SORCS1: variants seen among roughly 807,000 people sequenced by gnomAD.
SORCS1 encodes VPS10 domain-containing receptor SorCS1.
A neutral mutation model predicts 146.1 loss-of-function variants in SORCS1; 60 were observed. That is an observed-to-expected ratio of 0.41 (90% CI 0.33 to 0.51). The LOEUF (loss-of-function observed/expected upper bound fraction) is 0.51. Among genes scored for constraint, SORCS1 ranks in the 20% least tolerant of loss-of-function variants. The pLI is 0.21. For synonymous variants in SORCS1, 637 were observed against 584.0 expected (o/e 1.09, Z -1.31); for missense variants, 1,352 against 1,487.6 (o/e 0.91, Z 1.50).
At chr10:106,825,901 C>T (rs569063202) in intron 3 of SORCS1, among the ~76,000 whole-genome samples, 18 of 152,312 alleles carry the variant, frequency 1.2e-4, no homozygotes, top group African/African-American at 4.3e-4. Context: ...ATACCTAGGA[C>T]CCCTCTTTCT....
chr10:106,669,109 G>A (rs997585400), intron 16 of SORCS1, among the ~76,000 whole-genome samples: 5 of 152,050 alleles, frequency 3.3e-5, no homozygotes, highest in Non-Finnish European at 5.9e-5. Context: ...ATGAGTAGCC[G>A]ATTCCAATCA....
intron 3 of SORCS1, 129 bp from the exon 4 acceptor site, chr10:106,776,821 G>A: frequency 1.2e-6 from 1 of 861,756 alleles, no homozygotes; most frequent in Non-Finnish European, 1.8e-6. Flanking sequence ...GCCAAACAGG[G>A]ACCTTGACTC....
intron 1 of SORCS1, among the ~76,000 whole-genome samples, chr10:107,134,769 T>C (rs1180165121): frequency 2.0e-5 from 3 of 152,192 alleles, no homozygotes; most frequent in Non-Finnish European, 4.4e-5. Flanking sequence ...AGATACACTA[T>C]AGGGAACCCG....
At chr10:106,828,987 T>C (rs542139371) in intron 3 of SORCS1, among the ~76,000 whole-genome samples, 3 of 152,182 alleles carry the variant, frequency 2.0e-5, no homozygotes, top group Non-Finnish European at 2.9e-5. Flanking sequence ...AATAACGGTG[T>C]TGTAGATGAT....
intron 17 of SORCS1, among the ~76,000 whole-genome samples, chr10:106,665,317 GCTGA>G: frequency 6.6e-6 from 1 of 151,876 alleles, no homozygotes; most frequent in Non-Finnish European, 1.5e-5. Context: ...AGTAAAACTG[GCTGA>G]TTGGTAAGGT....
intron 1 of SORCS1, among the ~76,000 whole-genome samples, chr10:107,078,859 C>A (rs1963100489): frequency 1.3e-5 from 2 of 152,322 alleles, no homozygotes; most frequent in Middle Eastern, 3.4e-3. Context: ...CTGAGGTCAG[C>A]TGTCACATTT....
At chr10:106,757,365 G>A (rs1858728253) in intron 5 of SORCS1, among the ~76,000 whole-genome samples, 1 of 152,052 alleles carries the variant, frequency 6.6e-6, no homozygotes, top group African/African-American at 2.4e-5. Flanking sequence ...CAATAGCCAG[G>A]TTCCAAGCAG....
In SORCS1 at chr10:106,840,567, T is replaced by C. The variant is rs185485442; in HGVS notation, c.627-10894A>G. Among the ~76,000 whole-genome samples the C allele has an allele frequency of 1.4e-3, 206 of 152,168 alleles. 3 individuals carry two copies. The highest frequency in any genetic ancestry group is 3.4e-3 in the Middle Eastern group (1 of 294). ...AATTTAGAATATTAAATAAACTTAG[T>C]AGATAAAGTAATGGCAGGATGTGAG... On this transcript the variant is annotated intron_variant, in intron 2 of 25. Coordinates refer to ENST00000263054, the MANE Select transcript of SORCS1 (RefSeq NM_052918.5).
At chr10:106,782,430 C>T (rs1240981729) in intron 3 of SORCS1, among the ~76,000 whole-genome samples, 1 of 152,120 alleles carries the variant, frequency 6.6e-6, no homozygotes, top group Non-Finnish European at 1.5e-5. Flanking sequence ...TGGGAAGAAA[C>T]ATTTTTTTAA....
rs552470298 is a variant in SORCS1 at position 106,879,199 on chromosome 10, G to C, written c.627-49526C>G. On this transcript the variant is annotated intron_variant, in intron 2 of 25. Coordinates refer to ENST00000263054, the MANE Select transcript of SORCS1 (RefSeq NM_052918.5). Reference sequence around the variant, plus strand: ...ACTTACCAAGAGTGAGCAATGGTGAGCATGCCGTTTAAGAAAGTCACATAA... The same window carrying C: ...ACTTACCAAGAGTGAGCAATGGTGACCATGCCGTTTAAGAAAGTCACATAA... 3.4e-4 allele frequency among the ~76,000 whole-genome samples: 52 copies of C among 151,464 alleles called. 1 individual carries two copies. In the South Asian group the frequency reaches 0.01, roughly 30 times the overall value.
chr10:106,725,688 TGA>T (rs373862017), intron 6 of SORCS1, among the ~76,000 whole-genome samples: 228 of 152,010 alleles, frequency 1.5e-3, no homozygotes, highest in African/African-American at 5.0e-3. Flanking sequence ...CCCAGTACTT[TGA>T]GAGGCAGAGG....
At chr10:106,623,641 C>T (rs11192977) in intron 19 of SORCS1, among the ~76,000 whole-genome samples, 10,569 of 152,002 alleles carry the variant, frequency 0.07, 439 homozygotes, top group East Asian at 0.19. Flanking sequence ...CATGGTAATT[C>T]ATTCACTCAG....
intron 6 of SORCS1, among the ~76,000 whole-genome samples, chr10:106,722,103 T>C (rs991856049): frequency 1.2e-4 from 15 of 125,216 alleles, no homozygotes; most frequent in African/African-American, 4.6e-4. Context: ...TCTGGAGAAA[T>C]ATAGCAAATA....
At position 106,678,669 on chromosome 10, in the gene SORCS1, A is replaced by G. The variant is rs984365656; in HGVS notation, c.1740+587T>C. Among the ~76,000 whole-genome samples the G allele has an allele frequency of 5.3e-5, 8 of 152,292 alleles. No homozygotes were observed. In the South Asian group the frequency reaches 1.2e-3, roughly 24 times the overall value. On this transcript the variant is annotated intron_variant, in intron 12 of 25. Transcript: ENST00000263054. Reference sequence around the variant, plus strand: ...CTGTTTTGTAAGCTATGGGTATCTAATTTTCATTCAGAAGAAAGGCAGGAA... The same window carrying G: ...CTGTTTTGTAAGCTATGGGTATCTAGTTTTCATTCAGAAGAAAGGCAGGAA...
intron 2 of SORCS1, among the ~76,000 whole-genome samples, chr10:106,916,074 C>A (rs1443018796): frequency 6.6e-6 from 1 of 152,220 alleles, no homozygotes; most frequent in African/African-American, 2.4e-5. Flanking sequence ...CTGAAAAAAT[C>A]TTCCCTGTCA....
intron 10 of SORCS1, among the ~76,000 whole-genome samples, chr10:106,687,210 C>T (rs957889255): frequency 1.3e-5 from 2 of 152,180 alleles, no homozygotes; most frequent in Non-Finnish European, 2.9e-5. Context: ...AGACGTGACC[C>T]TGCAATCTTC....
chr10:107,115,156 T>C (rs1965943801), intron 1 of SORCS1, among the ~76,000 whole-genome samples: 1 of 152,024 alleles, frequency 6.6e-6, no homozygotes, highest in Non-Finnish European at 1.5e-5. Context: ...AGAATTAATA[T>C]TGTTTAAACG....
chr10:106,916,155 C>T (rs1952414886), intron 2 of SORCS1, among the ~76,000 whole-genome samples: 1 of 152,216 alleles, frequency 6.6e-6, no homozygotes, highest in Non-Finnish European at 1.5e-5. Context: ...CAGTACTTAA[C>T]TCTGTGAATA....
intron 17 of SORCS1, among the ~76,000 whole-genome samples, chr10:106,654,388 C>A (rs1850118021): frequency 6.6e-6 from 1 of 152,146 alleles, no homozygotes; most frequent in African/African-American, 2.4e-5. Context: ...TAGCACACAT[C>A]CCCTCTTTAC....
Sources: gnomAD v4.1 joint callset for allele counts (sites outside exome capture counted in the v4.1 genomes callset) on GRCh38, gnomAD v4.1.1 for gene constraint, MANE v1.5 for transcripts, NCBI Gene and HGNC (gene_info 2026-07-23, HGNC 2026-07-21) for gene names.